AOX1: variants seen among roughly 807,000 people sequenced by gnomAD.
The protein encoded by AOX1 is aldehyde oxidase 1, also known as aldehyde oxidase.
Under a neutral mutation model 169.5 loss-of-function variants are expected in AOX1, and 153 were observed. That is an observed-to-expected ratio of 0.90 (90% CI 0.79 to 1.03). The LOEUF is 1.03. Among genes scored for constraint, AOX1 ranks in the 50% least tolerant of loss-of-function variants. The probability of loss-of-function intolerance (pLI) is 0.00; values close to 1 mark genes in which losing one functional copy is unlikely to be tolerated. For missense variants in AOX1, 1,656 were observed against 1,663.9 expected, an observed-to-expected ratio of 1.00 and a Z score of 0.08; for synonymous variants, 562 against 581.9, an observed-to-expected ratio of 0.97 and a Z score of 0.49.
chr2:200,651,068 T>A lies in AOX1; in HGVS notation c.2942T>A (p.Met981Lys). Residue 981 changes from methionine to lysine, a missense_variant, in exon 26 of 35, where the codon ATG (methionine) becomes AAG (lysine). Coordinates refer to ENST00000374700, the MANE Select transcript of AOX1 (RefSeq NM_001159.4). ...KNLIQCWREC[M>K]AMSSYSLRKV... ...CTAATCCAGTGTTGGAGAGAATGTA[T>A]GGCCATGTCTTCCTACTCCTTGAGG... 2 of 1,614,230 alleles carry A rather than the reference T, an allele frequency of 1.2e-6. No homozygotes were observed. Among genetic ancestry groups the A allele is most frequent in the East Asian group, 4.5e-5 (2 of 44,890 alleles).
Position 200,657,161 on chromosome 2 carries a change from C to CAAAAAAAA in AOX1, c.3171+229_3171+230insAAAAAAAA, listed in dbSNP as rs67071824. Among the ~76,000 whole-genome samples the CAAAAAAAA allele has an allele frequency of 3.1e-3, 257 of 82,758 alleles. 3 individuals carry two copies. Among genetic ancestry groups the CAAAAAAAA allele is most frequent in the African/African-American group, 9.3e-3 (193 of 20,646 alleles). 54.3% of individuals were successfully genotyped at this position (82,758 alleles called of 152,430 possible). A position where few individuals can be genotyped will look rare whatever the true frequency, so the allele number is the denominator to read the frequency against. ...GAACATAGGGAGATTCCATCTCTAC[C>CAAAAAAAA]AAAAATATATATATATATATATATA... On this transcript the variant is annotated intron_variant, in intron 27 of 34. Transcript: ENST00000374700.
In AOX1 at chr2:200,611,474, A is replaced by G. The variant is rs2034640387; in HGVS notation, c.1244A>G (p.Asn415Ser). 2 of 1,611,632 alleles carry G rather than the reference A, an allele frequency of 1.2e-6. No homozygotes were observed. Among genetic ancestry groups the G allele is most frequent in the African/African-American group, 1.3e-5 (1 of 74,870 alleles). Residue 415 changes from asparagine to serine, a missense_variant, in exon 13 of 35, where the codon AAC (asparagine) becomes AGC (serine). By Grantham distance (46) the Asn-to-Ser change is conservative (BLOSUM62 1). Coordinates refer to ENST00000374700, the MANE Select transcript of AOX1 (RefSeq NM_001159.4). ...CCTCAAGAAATCTTGGTCTCAGTGA[A>G]CATCCCCTACTCAAGGAAGGTGAGA... ...LKPQEILVSV[N>S]IPYSRKWEFV...
chr2:200,659,952 C>A, intron 28 of AOX1, 43 bp from the exon 29 acceptor site: 1 of 1,467,412 alleles, frequency 6.8e-7, no homozygotes, highest in Non-Finnish European at 9.5e-7. Flanking sequence ...TTGGTGTTTG[C>A]ATGAAATTAG....
rs774291044 is a variant in AOX1 at position 200,659,957 on chromosome 2, A to C, written c.3301-38A>C. ...TGTTTTGAATTTGGTGTTTGCATGA[A>C]ATTAGGAGCATAATTTTAATTTAAA... On this transcript the variant is annotated intron_variant, in intron 28 of 34. Transcript: ENST00000374700. The C allele has an allele frequency of 2.0e-6, 3 of 1,510,780 alleles. No homozygotes were observed. The South Asian group carries it at 3.4e-5, about 17-fold the overall frequency. 93.6% of individuals were successfully genotyped at this position (1,510,780 alleles called of 1,614,324 possible). A position where few individuals can be genotyped will look rare whatever the true frequency, so the allele number is the denominator to read the frequency against.
chr2:200,650,666 A>G (rs1249333540), intron 25 of AOX1, among the ~76,000 whole-genome samples: 1 of 152,242 alleles, frequency 6.6e-6, no homozygotes, highest in Admixed American at 6.5e-5. Context: ...AAATGCAACT[A>G]GAATTAAGAG....
chr2:200,623,668 TA>T (rs1248759018), intron 18 of AOX1, among the ~76,000 whole-genome samples, 192 bp from the exon 19 acceptor site: 1 of 152,256 alleles, frequency 6.6e-6, no homozygotes, highest in African/African-American at 2.4e-5. Context: ...CACAAGGATC[TA>T]AACTTCCCCC....
At chr2:200,597,267 A>G in intron 3 of AOX1, 130 bp from the exon 4 acceptor site, 1 of 544,176 alleles carries the variant, frequency 1.8e-6, no homozygotes, top group Non-Finnish European at 3.2e-6. Flanking sequence ...CTAAGGAGGA[A>G]ATGTATGTGT....
chr2:200,635,396 A>C (rs770207050), intron 21 of AOX1, among the ~76,000 whole-genome samples: 1 of 152,208 alleles, frequency 6.6e-6, no homozygotes, highest in Non-Finnish European at 1.5e-5. Flanking sequence ...ACTCACAGGA[A>C]ACAGTTAAGA....
intron 12 of AOX1, among the ~76,000 whole-genome samples, chr2:200,610,076 C>CTTT (rs11420110): frequency 6.9e-6 from 1 of 145,714 alleles, no homozygotes. Flanking sequence ...ATAAAACTAT[C>CTTT]TTTTTTTTTT....
At chr2:200,662,280 C>T (rs2035842738) in intron 30 of AOX1, among the ~76,000 whole-genome samples, 1 of 152,154 alleles carries the variant, frequency 6.6e-6, no homozygotes, top group Admixed American at 6.5e-5. Context: ...TGCAGGGCAG[C>T]AGAGGAGAGA....
In AOX1 at chr2:200,605,609, T is replaced by G; in HGVS notation, c.888T>G (p.Val296=). 1 of 1,551,478 alleles carries G rather than the reference T, an allele frequency of 6.4e-7. No homozygotes were observed. Among genetic ancestry groups the G allele is most frequent in the Non-Finnish European group, 8.7e-7 (1 of 1,148,744 alleles). Reference sequence around the variant, plus strand: ...CTGATAGAATTGAAGAACTGAGTGTTGTAAACCATGCATATAATGGTGAGT... The same window carrying G: ...CTGATAGAATTGAAGAACTGAGTGTGGTAAACCATGCATATAATGGTGAGT... ...ISPDRIEELS[V]VNHAYNGLTL... is the part of the protein sequence containing the mutation. The change falls in exon 10 of 35, where the codon GTT becomes GTG. Residue 296 remains valine, a synonymous_variant. Coordinates refer to ENST00000374700, the MANE Select transcript of AOX1 (RefSeq NM_001159.4).
At chr2:200,644,638 G>A (rs1200004550) in intron 25 of AOX1, among the ~76,000 whole-genome samples, 1 of 152,116 alleles carries the variant, frequency 6.6e-6, no homozygotes, top group African/African-American at 2.4e-5. Flanking sequence ...GATTGCTTTT[G>A]GCAGTATAGC....
chr2:200,625,108 A>G (rs2105728000), intron 19 of AOX1, among the ~76,000 whole-genome samples: 1 of 152,288 alleles, frequency 6.6e-6, no homozygotes, highest in Middle Eastern at 3.4e-3. Context: ...TCAAATAGAC[A>G]AAAACGTAGA....
rs769379269 is a variant in AOX1 at position 200,641,160 on chromosome 2, C to T, written c.2631C>T (p.Gly877=). The T allele has an allele frequency of 1.6e-5, 26 of 1,612,238 alleles. No homozygotes were observed. The highest frequency in any genetic ancestry group is 1.2e-4 in the Admixed American group (7 of 59,988). The change falls in exon 24 of 35, where the codon GGC becomes GGT. Residue 877 remains glycine, a synonymous_variant. Coordinates refer to ENST00000374700, the MANE Select transcript of AOX1 (RefSeq NM_001159.4). ...ALDMEHYSNA[G]ASLDESLFVI... ...ACATGGAGCATTACAGCAATGCAGG[C>T]GCCTCCTTGGATGAATCATTATTCG...
intron 1 of AOX1, among the ~76,000 whole-genome samples, chr2:200,588,725 G>GTTTTTTTTTTTTTTTTTTTT (rs1247445142): frequency 2.4e-4 from 10 of 40,876 alleles, no homozygotes; most frequent in Non-Finnish European, 5.3e-4. Flanking sequence ...ACTAGAATAA[G>GTTTTTTTTTTTTTTTTTTTT]CTTTTTTTTT....
chr2:200,624,094 A>C lies in AOX1; in HGVS notation c.2124+111A>C, dbSNP rs1021786320. The C allele has an allele frequency of 4.4e-6, 6 of 1,350,306 alleles. No homozygotes were observed. In the African/African-American group the frequency reaches 7.2e-5, roughly 16 times the overall value. 83.6% of individuals were successfully genotyped at this position (1,350,306 alleles called of 1,614,324 possible). A position where few individuals can be genotyped will look rare whatever the true frequency, so the allele number is the denominator to read the frequency against. On this transcript the variant is annotated intron_variant, in intron 19 of 34. Transcript: ENST00000374700. The stretch of plus-strand genomic sequence containing the variant: ...TGTGGCTCAAAGTGGCCTCCAAAGC[A>C]CACGGACTTTATTAACCTCTAACCA...
At chr2:200,674,803 G>A (rs1264527396), downstream of AOX1, among the ~76,000 whole-genome samples, 2 of 152,196 alleles carry the variant, frequency 1.3e-5, no homozygotes, top group Admixed American at 6.5e-5. Context: ...GCCATTTGGT[G>A]GCAAATTGAC....
chr2:200,590,527 C>G (rs531845027), intron 1 of AOX1, among the ~76,000 whole-genome samples: 1 of 152,164 alleles, frequency 6.6e-6, no homozygotes, highest in Non-Finnish European at 1.5e-5. Flanking sequence ...TAGATCTCTG[C>G]CCCCACTTCC....
chr2:200,627,450 G>A lies in AOX1; in HGVS notation c.2221+1G>A, dbSNP rs1025351973. ...AAAGTGGTTGATCAAATTCTTGAAG[G>A]TAAAAAGTAATGGAAGAGTAAACAA... On this transcript the variant is annotated splice_donor_variant, in intron 20 of 34. Transcript: ENST00000374700. LOFTEE classifies it high-confidence loss of function. 1 of 1,603,764 alleles carries A rather than the reference G, an allele frequency of 6.2e-7. No individual in the cohort carries two copies. Among genetic ancestry groups the A allele is most frequent in the Non-Finnish European group, 8.5e-7 (1 of 1,170,760 alleles).
Sources: allele counts gnomAD v4.1 joint callset (sites outside exome capture counted in the v4.1 genomes callset), GRCh38; gene constraint gnomAD v4.1.1; transcripts MANE v1.5; gene names NCBI Gene and HGNC (gene_info 2026-07-23, HGNC 2026-07-21).